The following SFMBT2 variants were observed in gnomAD, a reference collection of about 807,000 sequenced individuals.
SFMBT2 encodes the protein Scm like with four mbt domains 2.
In SFMBT2, 38 loss-of-function variants were observed where a neutral mutation model predicts 110.1. That is an observed-to-expected ratio of 0.35 (90% CI 0.27 to 0.45). The LOEUF is 0.45. Among genes scored for constraint, SFMBT2 ranks in the 20% least tolerant of loss-of-function variants. The pLI is 1.00. For synonymous variants in SFMBT2, 425 were observed against 425.4 expected, an observed-to-expected ratio of 1.00 and a Z score of 0.01; for missense variants, 1,011 against 1,094.9, an observed-to-expected ratio of 0.92 and a Z score of 1.08.
intron 4 of SFMBT2, chr10:7,348,040 C>G (rs1278731972): frequency 2.9e-6 from 1 of 345,148 alleles, no homozygotes. Context: ...TTTCACAAAA[C>G]AAATCTAATG....
intron 10 of SFMBT2, among the ~76,000 whole-genome samples, chr10:7,222,634 G>A (rs1466890029): frequency 6.6e-6 from 1 of 151,808 alleles, no homozygotes; most frequent in Admixed American, 6.6e-5. Context: ...GGGGAAACTA[G>A]CTAAGCCATT....
intron 4 of SFMBT2, among the ~76,000 whole-genome samples, chr10:7,306,432 G>A (rs1280377744): frequency 1.3e-5 from 2 of 152,192 alleles, no homozygotes; most frequent in Admixed American, 6.5e-5. Flanking sequence ...ATTCATTTAT[G>A]TATTGCTCAC....
intron 2 of SFMBT2, 31 bp from the exon 3 acceptor site, chr10:7,370,406 T>C (rs746157191): frequency 4.5e-6 from 7 of 1,570,604 alleles, no homozygotes; most frequent in Non-Finnish European, 6.1e-6. Flanking sequence ...AGAATATCAA[T>C]ACTGGAGTGG....
chr10:7,164,758 C>T (rs928147384), intron 20 of SFMBT2, among the ~76,000 whole-genome samples: 3 of 137,666 alleles, frequency 2.2e-5, no homozygotes, highest in African/African-American at 1.0e-4. Context: ...CACACACACA[C>T]ACACACACAC....
At chr10:7,334,721 T>C (rs775374115) in intron 4 of SFMBT2, among the ~76,000 whole-genome samples, 6 of 152,172 alleles carry the variant, frequency 3.9e-5, no homozygotes, top group Non-Finnish European at 7.3e-5. Flanking sequence ...GTCCCAGCGC[T>C]CTTCCTCTGA....
At chr10:7,297,513 G>A (rs952010765) in intron 4 of SFMBT2, among the ~76,000 whole-genome samples, 2 of 152,090 alleles carry the variant, frequency 1.3e-5, no homozygotes, top group Non-Finnish European at 2.9e-5. Flanking sequence ...AAAAGAGGGA[G>A]AGAGAAAAGG....
At chr10:7,226,723 T>C (rs1274088584) in intron 10 of SFMBT2, among the ~76,000 whole-genome samples, 1 of 152,230 alleles carries the variant, frequency 6.6e-6, no homozygotes, top group Admixed American at 6.5e-5. Context: ...TTTTGTAAAC[T>C]ACAGTCATGT....
chr10:7,263,932 T>C (rs1032051573), intron 7 of SFMBT2: 11 of 177,540 alleles, frequency 6.2e-5, no homozygotes, highest in African/African-American at 2.6e-4. Flanking sequence ...TCTCCGATGC[T>C]AAAATGTAGG....
intron 7 of SFMBT2, among the ~76,000 whole-genome samples, chr10:7,268,921 TTAAAA>T (rs1841481273): frequency 6.6e-6 from 1 of 152,226 alleles, no homozygotes; most frequent in South Asian, 2.1e-4. Flanking sequence ...CTGCTCTAAA[TTAAAA>T]TCCACTGAGA....
intron 6 of SFMBT2, among the ~76,000 whole-genome samples, chr10:7,281,007 G>T (rs1841937151): frequency 6.6e-6 from 1 of 152,216 alleles, no homozygotes; most frequent in Non-Finnish European, 1.5e-5. Context: ...TTGGAAGGCT[G>T]AGGTGGGCAG....
Position 7,248,601 on chromosome 10 carries a change from C to G in SFMBT2, c.919G>C (p.Glu307Gln). ...AAGGGCTCGCACATATTCACTGTCTCAAGCTTCATCCCAACTGTGAAGAAA... is the reference window on the plus strand; with the variant it reads ...AAGGGCTCGCACATATTCACTGTCTGAAGCTTCATCCCAACTGTGAAGAAA... ...SHFFTVGMKLETVNMCEPFYI... is the reference protein window; with the variant it reads ...SHFFTVGMKLQTVNMCEPFYI... The change falls in exon 8 of 21, where the codon GAG becomes CAG. Residue 307 changes from glutamate to glutamine, a missense_variant. Coordinates refer to ENST00000397167, the MANE Select transcript of SFMBT2 (RefSeq NM_001387889.1). 1 of 1,614,204 alleles carries G rather than the reference C, an allele frequency of 6.2e-7. No individual in the cohort carries two copies. The highest frequency in any genetic ancestry group is 8.5e-7 in the Non-Finnish European group (1 of 1,180,034).
intron 1 of SFMBT2, among the ~76,000 whole-genome samples, chr10:7,388,703 G>A (rs895596956): frequency 2.0e-5 from 3 of 151,890 alleles, no homozygotes; most frequent in Non-Finnish European, 4.4e-5. Context: ...TTACATGACA[G>A]TCAGGCAAGA....
At chr10:7,312,285 G>A (rs565045099) in intron 4 of SFMBT2, among the ~76,000 whole-genome samples, 1 of 152,036 alleles carries the variant, frequency 6.6e-6, no homozygotes, top group Non-Finnish European at 1.5e-5. Context: ...GAGTAGTAAC[G>A]GCATCAACAG....
rs1564361155 is a variant in SFMBT2 at position 7,163,934 on chromosome 10, A to G, written c.2545-24T>C. On this transcript the variant is annotated intron_variant, in intron 20 of 20. Coordinates refer to ENST00000397167, the MANE Select transcript of SFMBT2 (RefSeq NM_001387889.1). The surrounding 1 kb of genome is among the most constrained non-coding windows in gnomAD (Gnocchi z 4.8). Reference sequence around the variant, plus strand: ...TCCTGCAGGAAAAGAAAGGCAGGTTAGAGAAGGGGCAGTGTGCACTGGGGT... The same window carrying G: ...TCCTGCAGGAAAAGAAAGGCAGGTTGGAGAAGGGGCAGTGTGCACTGGGGT... 1.2e-6 allele frequency: 2 copies of G among 1,608,714 alleles called. No individual in the cohort carries two copies. The highest frequency in any genetic ancestry group is 1.7e-6 in the Non-Finnish European group (2 of 1,177,136).
intron 17 of SFMBT2, among the ~76,000 whole-genome samples, chr10:7,174,767 C>A (rs911451173): frequency 6.6e-6 from 1 of 152,178 alleles, no homozygotes; most frequent in Non-Finnish European, 1.5e-5. Context: ...GTGAAGCCCT[C>A]CCCTGGAAAA....
chr10:7,244,739 T>C (rs566317770), intron 8 of SFMBT2, among the ~76,000 whole-genome samples: 2 of 152,356 alleles, frequency 1.3e-5, no homozygotes, highest in South Asian at 2.1e-4. Context: ...TACAAAGCTA[T>C]GATTCCTGGC....
Position 7,176,496 on chromosome 10 carries a change from G to A in SFMBT2, c.1809-331C>T, listed in dbSNP as rs929963240. The A allele has an allele frequency of 4.1e-6, 4 of 985,260 alleles. No individual in the cohort carries two copies. In the African/African-American group the frequency reaches 7.0e-5, roughly 17 times the overall value. 61.0% of individuals were successfully genotyped at this position (985,260 alleles called of 1,614,324 possible). On this transcript the variant is annotated intron_variant, in intron 16 of 20. Transcript: ENST00000397167. ...TGATGGGCATGGCTCTCGAAATGAG[G>A]TTAGTGAAATCGAATGGGTATTTTC...
rs536057595 is a variant in SFMBT2 at position 7,389,378 on chromosome 10, G to A, written c.-51-7429C>T. Among the ~76,000 whole-genome samples the A allele has an allele frequency of 7.9e-5, 12 of 152,194 alleles. No individual in the cohort carries two copies. The South Asian group carries it at 1.0e-3, about 13-fold the overall frequency. On this transcript the variant is annotated intron_variant, in intron 1 of 20. Coordinates refer to ENST00000397167, the MANE Select transcript of SFMBT2 (RefSeq NM_001387889.1). ...AAAAAGGCTATTATTAAAAGAAAGC[G>A]TATTTCCTTTTGTTTCTTAAGCTAT...
chr10:7,296,452 G>T (rs906397195), intron 4 of SFMBT2, among the ~76,000 whole-genome samples: 4 of 152,082 alleles, frequency 2.6e-5, no homozygotes, highest in Admixed American at 6.5e-5. Flanking sequence ...ATTCTCCTAG[G>T]TCTCACTCTA....
Sources: allele counts gnomAD v4.1 joint callset (sites outside exome capture counted in the v4.1 genomes callset), GRCh38; gene constraint gnomAD v4.1.1; non-coding constraint Gnocchi (gnomAD v3.1); transcripts MANE v1.5; gene names NCBI Gene and HGNC (gene_info 2026-07-23, HGNC 2026-07-21).